The following ENTREP2 variants were observed in gnomAD, a reference collection of about 807,000 sequenced individuals.
ENTREP2 encodes protein ENTREP2.
At chr15:29,267,677 T>C in the ENTREP2 span, 23 of 152,290 alleles carry the variant, frequency 1.5e-4, no homozygotes, top group African/African-American at 5.3e-4. Context: ...GGACTATCTT[T>C]TGAACCAGGA....
chr15:29,412,540 A>C, the ENTREP2 span, among the ~76,000 whole-genome samples: 3 of 152,114 alleles, frequency 2.0e-5, no homozygotes, highest in Non-Finnish European at 4.4e-5. Flanking sequence ...TTAAGTTTGT[A>C]TATGTATTTT....
the ENTREP2 span, among the ~76,000 whole-genome samples, chr15:29,415,668 G>A: frequency 6.6e-6 from 1 of 152,134 alleles, no homozygotes; most frequent in Non-Finnish European, 1.5e-5. Flanking sequence ...GGCAGGAGAA[G>A]GAGATAAACG....
At chr15:29,332,857 G>A in the ENTREP2 span, among the ~76,000 whole-genome samples, 4 of 151,600 alleles carry the variant, frequency 2.6e-5, no homozygotes, top group African/African-American at 9.7e-5. Context: ...TACTCGGGAG[G>A]CTGAGGCAGC....
the ENTREP2 span, among the ~76,000 whole-genome samples, chr15:29,207,291 G>C: frequency 2.6e-5 from 4 of 152,084 alleles, no homozygotes; most frequent in African/African-American, 9.7e-5. Flanking sequence ...TGGCTTCCTG[G>C]TCTCACCGAC....
the ENTREP2 span, among the ~76,000 whole-genome samples, chr15:29,274,908 G>A: frequency 1.3e-5 from 2 of 152,238 alleles, no homozygotes; most frequent in African/African-American, 2.4e-5. Context: ...TGTGGGAAAA[G>A]TAAATTATGT....
chr15:29,312,787 A>G, the ENTREP2 span, among the ~76,000 whole-genome samples: 1 of 152,118 alleles, frequency 6.6e-6, no homozygotes, highest in African/African-American at 2.4e-5. Context: ...TAACTCTACA[A>G]TGGTCTCTAA....
At chr15:29,656,663 A>G in the ENTREP2 span, among the ~76,000 whole-genome samples, 149 of 152,324 alleles carry the variant, frequency 9.8e-4, no homozygotes, top group South Asian at 3.7e-3. Context: ...AGTCCAGTAC[A>G]CACGTATTAA....
chr15:29,563,040 G>A, the ENTREP2 span, among the ~76,000 whole-genome samples: 17 of 152,128 alleles, frequency 1.1e-4, no homozygotes, highest in Admixed American at 2.6e-4. Flanking sequence ...ATCCACCTGC[G>A]TCAGCCTCCC....
the ENTREP2 span, among the ~76,000 whole-genome samples, chr15:29,643,492 A>T: frequency 2.0e-5 from 3 of 151,614 alleles, no homozygotes; most frequent in Non-Finnish European, 4.4e-5. Context: ...ATCAAAAAAG[A>T]CATGAAGAGG....
the ENTREP2 span, among the ~76,000 whole-genome samples, chr15:29,119,836 A>AT: frequency 2.3e-3 from 348 of 152,364 alleles, 1 homozygote; most frequent in African/African-American, 8.0e-3. Flanking sequence ...CAAGGGGGAC[A>AT]TTCCTGCCGT....
the ENTREP2 span, among the ~76,000 whole-genome samples, chr15:29,302,028 C>A: frequency 7.2e-5 from 11 of 152,078 alleles, no homozygotes; most frequent in African/African-American, 2.7e-4. Flanking sequence ...ACTAAGACAC[C>A]CGGGGTCTTT....
the ENTREP2 span, among the ~76,000 whole-genome samples, chr15:29,258,888 G>A: frequency 6.6e-5 from 10 of 152,148 alleles, no homozygotes. Context: ...ATGTCTTCAA[G>A]GTTCATCCAT....
At chr15:29,210,896 C>G in the ENTREP2 span, among the ~76,000 whole-genome samples, 1 of 152,218 alleles carries the variant, frequency 6.6e-6, no homozygotes, top group Non-Finnish European at 1.5e-5. Context: ...ATACAGCCTT[C>G]TCTAACTATC....
the ENTREP2 span, among the ~76,000 whole-genome samples, chr15:29,255,806 C>T: frequency 1.3e-5 from 2 of 151,924 alleles, no homozygotes; most frequent in African/African-American, 4.8e-5. Context: ...TTGAGACCAT[C>T]CTGGCTAACA....
At chr15:29,625,950 G>C in the ENTREP2 span, among the ~76,000 whole-genome samples, 1 of 151,698 alleles carries the variant, frequency 6.6e-6, no homozygotes, top group Non-Finnish European at 1.5e-5. Flanking sequence ...TCGTTCAAGT[G>C]ATTCTCCTGC....
the ENTREP2 span, among the ~76,000 whole-genome samples, chr15:29,505,021 G>A: frequency 2.6e-5 from 4 of 152,168 alleles, no homozygotes; most frequent in African/African-American, 9.7e-5. The surrounding 1 kb of genome is among the most constrained non-coding windows in gnomAD (Gnocchi z 4.3). Flanking sequence ...AGAAAAAGGA[G>A]AAAAAATGTC....
At chr15:29,163,456 G>T in the ENTREP2 span, among the ~76,000 whole-genome samples, 1 of 151,632 alleles carries the variant, frequency 6.6e-6, no homozygotes. Flanking sequence ...AAAATAGATA[G>T]CTTAAAGAAA....
the ENTREP2 span, among the ~76,000 whole-genome samples, chr15:29,667,030 C>T: frequency 1.3e-5 from 2 of 152,124 alleles, no homozygotes; most frequent in African/African-American, 4.8e-5. Flanking sequence ...GTGAACCTTC[C>T]CTTCTTATAA....
chr15:29,538,721 ATGGTG>A, the ENTREP2 span, among the ~76,000 whole-genome samples: 1 of 151,480 alleles, frequency 6.6e-6, no homozygotes, highest in Admixed American at 6.6e-5. Flanking sequence ...AGGCAGGAGA[ATGGTG>A]TGAACCTGGG....
Sources: gnomAD v4.1 joint callset for allele counts (sites outside exome capture counted in the v4.1 genomes callset) on GRCh38, gnomAD v4.1.1 for gene constraint, Gnocchi (gnomAD v3.1) non-coding constraint, MANE v1.5 for transcripts, NCBI Gene and HGNC (gene_info 2026-07-23, HGNC 2026-07-21) for gene names.